The following RAB38 variants were observed in gnomAD, a reference collection of about 807,000 sequenced individuals.
RAB38 encodes the protein RAB38, member RAS oncogene family, also known as ras-related protein Rab-38.
RAB38 carries 15 observed loss-of-function variants against 18.4 expected under a neutral mutation model. The observed-to-expected ratio is 0.82, with a 90% CI of 0.55 to 1.26. The LOEUF is 1.26. RAB38 is among the 50% of genes most tolerant of loss of function. The probability of loss-of-function intolerance (pLI) is 0.00; values close to 1 mark genes in which losing one functional copy is unlikely to be tolerated. For synonymous variants in RAB38, 101 were observed against 104.4 expected, an observed-to-expected ratio of 0.97 and a Z score of 0.20; for missense variants, 294 against 267.4, an observed-to-expected ratio of 1.10 and a Z score of -0.69.
At chr11:88,129,596 A>T (rs908452259) in intron 2 of RAB38, among the ~76,000 whole-genome samples, 2 of 152,192 alleles carry the variant, frequency 1.3e-5, no homozygotes, top group African/African-American at 4.8e-5. Flanking sequence ...GTGAGCCGAG[A>T]TCGTGCCACT....
At chr11:87,819,678 G>A in the RAB38 span, among the ~76,000 whole-genome samples, 371 of 145,102 alleles carry the variant, frequency 2.6e-3, 2 homozygotes, top group African/African-American at 8.8e-3. Flanking sequence ...ATATATATGT[G>A]TATATATATA....
the RAB38 span, among the ~76,000 whole-genome samples, chr11:88,037,424 A>G: frequency 1.3e-5 from 2 of 152,160 alleles, no homozygotes; most frequent in South Asian, 2.1e-4. Context: ...TTTTTAATAT[A>G]TTTTATTAAT....
At chr11:88,076,682 G>C in the RAB38 span, among the ~76,000 whole-genome samples, 1 of 151,904 alleles carries the variant, frequency 6.6e-6, no homozygotes, top group East Asian at 1.9e-4. Flanking sequence ...GCTGGGTGCA[G>C]TGGCTCACGC....
rs1428450899 is a variant in RAB38 at position 88,173,497 on chromosome 11, C to T, written c.202+1686G>A. ...GGAATTTGGGCTATTAATCACTGTA[C>T]CCTTCCATCTCTTCTGTTTATGTGA... On this transcript the variant is annotated intron_variant, in intron 1 of 2. Transcript: ENST00000243662. 8.2e-6 allele frequency: 8 copies of T among 980,248 alleles called. No individual in the cohort carries two copies. In the South Asian group the frequency reaches 2.4e-4, roughly 29 times the overall value. 60.7% of individuals were successfully genotyped at this position (980,248 alleles called of 1,614,324 possible).
chr11:87,926,291 A>C, the RAB38 span, among the ~76,000 whole-genome samples: 1 of 151,994 alleles, frequency 6.6e-6, no homozygotes, highest in East Asian at 1.9e-4. Flanking sequence ...AATTTCAGAA[A>C]AGTTATTACC....
At chr11:88,141,901 C>T (rs932597778) in intron 2 of RAB38, among the ~76,000 whole-genome samples, 6 of 152,198 alleles carry the variant, frequency 3.9e-5, no homozygotes, top group African/African-American at 7.2e-5. Flanking sequence ...CATCATATGG[C>T]CTCTACAGGT....
the RAB38 span, among the ~76,000 whole-genome samples, chr11:87,824,578 T>C: frequency 2.0e-5 from 3 of 152,134 alleles, no homozygotes; most frequent in African/African-American, 7.2e-5. Flanking sequence ...TAAAAAATCA[T>C]ATCAGTATCC....
the RAB38 span, among the ~76,000 whole-genome samples, chr11:88,066,992 C>T: frequency 1.3e-4 from 20 of 152,006 alleles, no homozygotes; most frequent in African/African-American, 4.4e-4. Flanking sequence ...TAAAAAAGAC[C>T]GAGTTTTCAA....
At chr11:87,948,783 T>C in the RAB38 span, among the ~76,000 whole-genome samples, 1 of 150,952 alleles carries the variant, frequency 6.6e-6, no homozygotes, top group Non-Finnish European at 1.5e-5. Context: ...TGCTGCTGGA[T>C]TCGGTTTGCC....
the RAB38 span, among the ~76,000 whole-genome samples, chr11:88,042,440 C>T: frequency 6.6e-6 from 1 of 152,320 alleles, no homozygotes; most frequent in Middle Eastern, 3.4e-3. Context: ...TCCTGTCTGA[C>T]ACTGTCAGCC....
the RAB38 span, among the ~76,000 whole-genome samples, chr11:88,040,358 C>T: frequency 3.0e-4 from 45 of 152,208 alleles, no homozygotes; most frequent in African/African-American, 1.0e-3. Context: ...TCTAAAGTCA[C>T]CAGTCATATT....
At chr11:88,009,924 GTGAGA>G in the RAB38 span, among the ~76,000 whole-genome samples, 1 of 152,072 alleles carries the variant, frequency 6.6e-6, no homozygotes, top group African/African-American at 2.4e-5. Context: ...CTATACATAA[GTGAGA>G]TATCTTTGAA....
the RAB38 span, among the ~76,000 whole-genome samples, chr11:88,028,459 G>A: frequency 6.6e-6 from 1 of 152,042 alleles, no homozygotes; most frequent in African/African-American, 2.4e-5. Flanking sequence ...CAAACCAAAG[G>A]CAAATAAGTT....
the RAB38 span, among the ~76,000 whole-genome samples, chr11:87,892,963 T>C: frequency 4.9e-4 from 74 of 151,886 alleles, no homozygotes; most frequent in South Asian, 6.4e-3. Flanking sequence ...TGGTAGACTA[T>C]ATGCTTTACA....
At chr11:87,868,579 GA>G in the RAB38 span, among the ~76,000 whole-genome samples, 2 of 24,316 alleles carry the variant, frequency 8.2e-5, no homozygotes, top group South Asian at 1.9e-3. Context: ...AGGAGTGAGG[GA>G]GAGAGAGAGA....
the RAB38 span, among the ~76,000 whole-genome samples, chr11:87,951,650 G>T: frequency 6.6e-6 from 1 of 152,124 alleles, no homozygotes; most frequent in African/African-American, 2.4e-5. Context: ...GTTGGAGTTT[G>T]CTAGAGGTCC....
the RAB38 span, among the ~76,000 whole-genome samples, chr11:88,086,816 T>C: frequency 2.0e-5 from 3 of 151,926 alleles, no homozygotes; most frequent in Non-Finnish European, 2.9e-5. Context: ...TTATGCAGAG[T>C]ACTTTCTTAT....
chr11:88,157,611 T>C (rs1233953204), intron 1 of RAB38, among the ~76,000 whole-genome samples: 1 of 152,048 alleles, frequency 6.6e-6, no homozygotes, highest in Non-Finnish European at 1.5e-5. Flanking sequence ...TCTCAATCAA[T>C]TCGAAAAAAA....
At chr11:88,040,855 C>T in the RAB38 span, among the ~76,000 whole-genome samples, 34 of 152,288 alleles carry the variant, frequency 2.2e-4, no homozygotes, top group African/African-American at 7.2e-4. Flanking sequence ...CCATGTTGCA[C>T]GAATGGAGAC....
Sources: gnomAD v4.1 joint callset for allele counts (sites outside exome capture counted in the v4.1 genomes callset) on GRCh38, gnomAD v4.1.1 for gene constraint, MANE v1.5 for transcripts, NCBI Gene and HGNC (gene_info 2026-07-23, HGNC 2026-07-21) for gene names.